Variants in RPAP1 observed in about 807,000 individuals in gnomAD.
The protein encoded by RPAP1 is RNA polymerase II-associated protein 1.
RPAP1 carries 109 observed loss-of-function variants against 142.4 expected under a neutral mutation model. That is an observed-to-expected ratio of 0.77 (90% CI 0.66 to 0.90). RPAP1 has a LOEUF of 0.90. RPAP1 is among the 40% of genes least tolerant of loss of function. The probability of loss-of-function intolerance (pLI) is 0.00; values close to 1 mark genes in which losing one functional copy is unlikely to be tolerated. For synonymous variants in RPAP1, 704 were observed against 738.9 expected (o/e 0.95, Z 0.77); for missense variants, 1,546 against 1,751.7 (o/e 0.88, Z 2.10).
intron 19 of RPAP1, 139 bp downstream of exon 19, chr15:41,522,626 G>C: frequency 1.4e-6 from 1 of 716,642 alleles, no homozygotes; most frequent in South Asian, 2.3e-5. Context: ...CCGACCTCAG[G>C]TGATCTGCCC....
intron 6 of RPAP1, 80 bp downstream of exon 6, chr15:41,534,634 C>T (rs1005580775): frequency 1.5e-5 from 14 of 940,974 alleles, no homozygotes; most frequent in African/African-American, 3.3e-5. Context: ...GCACAGTGCC[C>T]GGAACTCACA....
Position 41,523,989 on chromosome 15 carries a change from G to C in RPAP1, c.2235-17C>G, listed in dbSNP as rs753016977. ...GCAGAATCACTACAAAAGTGCCAAA[G>C]GGTGCCACAGTGAGGATCTGGCTGC... is the stretch of plus-strand genomic sequence containing the variant. On this transcript the variant is annotated splice_polypyrimidine_tract_variant and intron_variant, in intron 16 of 24. Transcript: ENST00000304330. 1.2e-6 allele frequency: 2 copies of C among 1,613,426 alleles called. No individual in the cohort carries two copies. Among genetic ancestry groups the C allele is most frequent in the African/African-American group, 2.7e-5 (2 of 74,918 alleles).
intron 3 of RPAP1, 137 bp downstream of exon 3, chr15:41,536,364 C>G: frequency 7.3e-7 from 1 of 1,362,360 alleles, no homozygotes; most frequent in Non-Finnish European, 1.0e-6. Context: ...GATTCTAACC[C>G]AGCCCCCAAC....
At chr15:41,538,474 A>G (rs2051936522) in intron 1 of RPAP1, among the ~76,000 whole-genome samples, 3 of 152,156 alleles carry the variant, frequency 2.0e-5, no homozygotes, top group African/African-American at 2.4e-5. Flanking sequence ...TGTCTGCTCA[A>G]CCTTGACAAT....
intron 18 of RPAP1, 46 bp from the exon 19 acceptor site, chr15:41,523,006 T>C: frequency 6.8e-7 from 1 of 1,461,026 alleles, no homozygotes; most frequent in East Asian, 2.5e-5. Flanking sequence ...GCCTGGCGTG[T>C]GCCAAGCTGG....
rs1490076844 is a variant in RPAP1 at position 41,534,571 on chromosome 15, G to C, written c.763+143C>G. The C allele has an allele frequency of 5.1e-6, 3 of 587,296 alleles. No individual in the cohort carries two copies. The African/African-American group carries it at 7.5e-5, about 15-fold the overall frequency. 36.4% of individuals were successfully genotyped at this position (587,296 alleles called of 1,614,324 possible). A position where few individuals can be genotyped will look rare whatever the true frequency, so the allele number is the denominator to read the frequency against. On this transcript the variant is annotated intron_variant, in intron 6 of 24. Transcript: ENST00000304330. ...ACTGCATTCCAGCCTGGGTGACAGA[G>C]CAAGACCATCTCAAAAAAAAAAAAA...
At chr15:41,542,714 A>T (rs2051981500) in intron 1 of RPAP1, among the ~76,000 whole-genome samples, 1 of 152,204 alleles carries the variant, frequency 6.6e-6, no homozygotes, top group Non-Finnish European at 1.5e-5. Flanking sequence ...CATCTGTAAC[A>T]TGAAGATAAC....
rs1566882817 is a variant in RPAP1 at position 41,520,853 on chromosome 15, G to C, written c.3333C>G (p.His1111Gln). 1.9e-6 allele frequency: 3 copies of C among 1,613,810 alleles called. No individual in the cohort carries two copies. Among genetic ancestry groups the C allele is most frequent in the Admixed American group, 1.7e-5 (1 of 60,010 alleles). The change falls in exon 22 of 25, where the codon CAC becomes CAG. Residue 1111 changes from histidine (H) to glutamine (Q), a missense_variant. Coordinates refer to ENST00000304330, the MANE Select transcript of RPAP1 (RefSeq NM_015540.4). ...WPFLPLIRLY[H>Q]RASDTPSGLS... ...GTCCCGAGGGGGTGTCTGAAGCCCGGTGGTAGAGGCGAATCAGTGGCAGGA... is the reference window on the plus strand; with the variant it reads ...GTCCCGAGGGGGTGTCTGAAGCCCGCTGGTAGAGGCGAATCAGTGGCAGGA...
intron 21 of RPAP1, 33 bp from the exon 22 acceptor site, chr15:41,521,180 C>G: frequency 6.6e-7 from 1 of 1,508,616 alleles, no homozygotes; most frequent in Non-Finnish European, 8.8e-7. Context: ...AAAATGAGGG[C>G]TGGAACCACA....
rs141635646 is a variant in RPAP1, at chr15:41,522,227, C to T, written c.2766G>A (p.Pro922=). The T allele has an allele frequency of 3.4e-5, 55 of 1,613,200 alleles. No homozygotes were observed. Among genetic ancestry groups the T allele is most frequent in the African/African-American group, 2.7e-4 (20 of 74,900 alleles). The change falls in exon 20 of 25, where the codon CCG becomes CCA. Residue 922 remains proline (P), a synonymous_variant. Transcript: ENST00000304330. ...CGQLAAILAA[P]GLQNYFLQCV... ...ACTGGAGGAAGTAATTCTGGAGTCCCGGGGCAGCCAATATGGCAGCCAGCT... is the reference window on the plus strand; with the variant it reads ...ACTGGAGGAAGTAATTCTGGAGTCCTGGGGCAGCCAATATGGCAGCCAGCT...
intron 4 of RPAP1, 143 bp from the exon 5 acceptor site, chr15:41,535,775 A>C: frequency 8.1e-7 from 1 of 1,228,002 alleles, no homozygotes; most frequent in Non-Finnish European, 1.1e-6. Context: ...TTCTCAGAAA[A>C]AGGAGAGGTC....
intron 18 of RPAP1, 42 bp from the exon 19 acceptor site, chr15:41,523,002 C>T (rs745313242): frequency 3.1e-5 from 46 of 1,470,886 alleles, no homozygotes; most frequent in South Asian, 4.5e-5. Context: ...TCTGGCCTGG[C>T]GTGTGCCAAG....
chr15:41,531,076 G>C lies in RPAP1; in HGVS notation c.890C>G (p.Ser297Ter), dbSNP rs1165953769. ...CTTCCTGGGCTCACTGGCAAAAGCT[G>C]ACATGAGGGGTTCCTCCTTGGTGAC... is the stretch of plus-strand genomic sequence containing the variant. ...ANVTKEEPLM[S>*]AFASEPRKRD... The change falls in exon 7 of 25, where the codon TCA becomes TGA. Residue 297 changes from serine (S) to a stop codon, truncating the protein, a stop_gained. Coordinates refer to ENST00000304330, the MANE Select transcript of RPAP1 (RefSeq NM_015540.4). LOFTEE classifies it high-confidence loss of function. 4 of 1,613,920 alleles carry C rather than the reference G, an allele frequency of 2.5e-6. No individual in the cohort carries two copies. The highest frequency in any genetic ancestry group is 3.4e-6 in the Non-Finnish European group (4 of 1,179,956).
chr15:41,525,235 A>C, intron 14 of RPAP1, 87 bp from the exon 15 acceptor site: 96 of 1,221,240 alleles, frequency 7.9e-5, no homozygotes, highest in South Asian at 1.1e-4. Flanking sequence ...GGCTTAACTC[A>C]ACCCTGACCC....
chr15:41,522,402 T>A, intron 19 of RPAP1, 152 bp from the exon 20 acceptor site: 2 of 735,864 alleles, frequency 2.7e-6, no homozygotes, highest in Non-Finnish European at 2.2e-6. Context: ...CTTTTTGGTT[T>A]TTTTTGAGAT....
intron 1 of RPAP1, among the ~76,000 whole-genome samples, chr15:41,540,607 T>A (rs1448712466): frequency 6.6e-6 from 1 of 152,162 alleles, no homozygotes; most frequent in Non-Finnish European, 1.5e-5. Flanking sequence ...GGCCAGTTAC[T>A]ACTATTATTC....
chr15:41,528,243 T>C lies in RPAP1; in HGVS notation c.1252A>G (p.Ile418Val). The C allele has an allele frequency of 1.2e-6, 2 of 1,606,556 alleles. No homozygotes were observed. The highest frequency in any genetic ancestry group is 1.7e-6 in the Non-Finnish European group (2 of 1,176,284). The stretch of plus-strand genomic sequence containing the variant: ...GCTGGCAATCCACTCACCCTGCTGA[T>C]GACCTGGGCTAACACATGCAGTGCC... ...ALALHVLAQVISRAQAGEFGD... is the reference protein window; with the variant it reads ...ALALHVLAQVVSRAQAGEFGD... Residue 418 changes from isoleucine to valine, a missense_variant, in exon 10 of 25, where the codon ATC becomes GTC. Physicochemically the swap from Ile to Val is conservative, Grantham distance 29. This residue lies in a region of RPAP1 where 1,333 missense variants were observed against 1,486.6 expected (regional missense o/e 0.90). Transcript: ENST00000304330.
chr15:41,525,277 A>C, intron 14 of RPAP1, 129 bp from the exon 15 acceptor site: 14 of 490,946 alleles, frequency 2.9e-5, no homozygotes, highest in Non-Finnish European at 3.8e-5. Context: ...GTCATACCTC[A>C]TCCACCCTGC....
chr15:41,522,483 C>T (rs892353405), intron 19 of RPAP1: 26 of 569,482 alleles, frequency 4.6e-5, no homozygotes, highest in Non-Finnish European at 7.1e-5. Context: ...CTCCGCCTCC[C>T]GGGTTCAAGT....
Sources: gnomAD v4.1 joint callset for allele counts (sites outside exome capture counted in the v4.1 genomes callset) on GRCh38, gnomAD v4.1.1 for gene constraint, gnomAD v4.1.1 regional missense constraint, MANE v1.5 for transcripts, NCBI Gene and HGNC (gene_info 2026-07-23, HGNC 2026-07-21) for gene names.